Variants in AXL observed in about 807,000 individuals in gnomAD.
AXL encodes the protein AXL receptor tyrosine kinase.
In AXL, 52 loss-of-function variants were observed where a neutral mutation model predicts 104.5. That is an observed-to-expected ratio of 0.50 (90% CI 0.40 to 0.63). The LOEUF is 0.63. Ranked by LOEUF, AXL falls within the 20% of genes least tolerant of loss-of-function variation. AXL has a pLI of 0.00. For missense variants in AXL, 1,024 were observed against 1,188.5 expected (o/e 0.86, Z 2.04); for synonymous variants, 455 against 473.7 (o/e 0.96, Z 0.51).
At chr19:41,259,423 C>T in intron 19 of AXL, 130 bp from the exon 20 acceptor site, 1 of 752,310 alleles carries the variant, frequency 1.3e-6, no homozygotes, top group Non-Finnish European at 2.1e-6. Context: ...TGGCCTCAAA[C>T]TGCTGAGGCT....
chr19:41,253,632 G>A lies in AXL; in HGVS notation c.1960G>A (p.Ala654Thr), dbSNP rs767628105. 2 of 1,613,882 alleles carry A rather than the reference G, an allele frequency of 1.2e-6. No homozygotes were observed. The highest frequency in any genetic ancestry group is 3.3e-5 in the Admixed American group (2 of 59,984). Residue 654 changes from alanine to threonine, a missense_variant, in exon 17 of 20, where the codon GCA becomes ACA. By Grantham distance (58) the Ala-to-Thr change is moderately conservative. Around this residue, in one of 5 missense-constraint regions of AXL, gnomAD observed 523 missense variants for 636.0 expected, o/e 0.82. Coordinates refer to ENST00000301178, the MANE Select transcript of AXL (RefSeq NM_021913.5). ...LPTQMLVKFM[A>T]DIASGMEYLS... Reference sequence around the variant, plus strand: ...CACTCAGATGCTAGTGAAGTTCATGGCAGACATCGCCAGTGGCATGGAGTA... The same window carrying A: ...CACTCAGATGCTAGTGAAGTTCATGACAGACATCGCCAGTGGCATGGAGTA...
At chr19:41,224,407 G>A (rs2033843819) in intron 4 of AXL, among the ~76,000 whole-genome samples, 1 of 151,738 alleles carries the variant, frequency 6.6e-6, no homozygotes, top group African/African-American at 2.4e-5. Flanking sequence ...AGCTCCCGCT[G>A]TGTAACCCAG....
chr19:41,233,309 C>T (rs1392688081), intron 6 of AXL, among the ~76,000 whole-genome samples: 3 of 151,856 alleles, frequency 2.0e-5, no homozygotes, highest in African/African-American at 7.2e-5. Context: ...TGTTTAGAGT[C>T]AGTGCTTGAT....
At chr19:41,236,011 A>G (rs1016521557) in intron 6 of AXL, among the ~76,000 whole-genome samples, 1 of 151,420 alleles carries the variant, frequency 6.6e-6, no homozygotes, top group African/African-American at 2.4e-5. Flanking sequence ...AGCCTGGGCA[A>G]CATGGTGAAA....
Position 41,261,309 on chromosome 19 carries a change from C to G in AXL, c.*1405C>G, listed in dbSNP as rs973847100. 8 of 152,630 alleles carry G rather than the reference C, an allele frequency of 5.2e-5. No individual in the cohort carries two copies. The highest frequency in any genetic ancestry group is 1.7e-4 in the African/African-American group (7 of 41,448). The allele number at this position is 152,630 out of a possible 1,614,324, so 9.5% of individuals were successfully genotyped here. ...TTGTGACTAACTAGACACCAAAGTT[C>G]TAATAATTTCTAATGTTGGACACCT... On this transcript the variant is annotated 3_prime_UTR_variant, in exon 20 of 20. Coordinates refer to ENST00000301178, the MANE Select transcript of AXL (RefSeq NM_021913.5).
At position 41,256,482 on chromosome 19, in the gene AXL, G is replaced by A. The variant is rs567368175; in HGVS notation, c.2067G>A (p.Ala689=). The A allele has an allele frequency of 1.2e-5, 20 of 1,613,972 alleles. No individual in the cohort carries two copies. Among genetic ancestry groups the A allele is most frequent in the East Asian group, 4.5e-5 (2 of 44,862 alleles). ...MLNENMSVCV[A]DFGLSKKIYN... Reference sequence around the variant, plus strand: ...ATGAGAACATGTCCGTGTGTGTGGCGGACTTCGGGCTCTCCAAGAAGATCT... The same window carrying A: ...ATGAGAACATGTCCGTGTGTGTGGCAGACTTCGGGCTCTCCAAGAAGATCT... The change falls in exon 18 of 20, where the codon GCG becomes GCA. Residue 689 remains alanine, a synonymous_variant. Coordinates refer to ENST00000301178, the MANE Select transcript of AXL (RefSeq NM_021913.5).
At chr19:41,254,292 G>A (rs1321728916) in intron 17 of AXL, among the ~76,000 whole-genome samples, 1 of 148,640 alleles carries the variant, frequency 6.7e-6, no homozygotes, top group Admixed American at 6.8e-5. Context: ...CACGAGAATT[G>A]CTTGAACCCA....
intron 4 of AXL, among the ~76,000 whole-genome samples, chr19:41,224,610 C>T (rs541429954): frequency 6.6e-6 from 1 of 152,314 alleles, no homozygotes; most frequent in East Asian, 1.9e-4. Flanking sequence ...TCTTGAACTC[C>T]TGGCCTCAAG....
intron 12 of AXL, among the ~76,000 whole-genome samples, chr19:41,244,496 T>C (rs2034238827): frequency 6.6e-6 from 1 of 151,986 alleles, no homozygotes; most frequent in Non-Finnish European, 1.5e-5. Context: ...CTTTTTTTTT[T>C]TGAGACAGAG....
chr19:41,223,625 G>C (rs917265736), intron 4 of AXL, among the ~76,000 whole-genome samples: 6 of 152,186 alleles, frequency 3.9e-5, no homozygotes, highest in African/African-American at 1.4e-4. Flanking sequence ...AGGGTGGAGG[G>C]AGGAGCTCAC....
In AXL at chr19:41,237,945, C is replaced by T. The variant is rs767166443; in HGVS notation, c.785C>T (p.Ala262Val). The T allele has an allele frequency of 1.2e-6, 2 of 1,613,594 alleles. No individual in the cohort carries two copies. The highest frequency in any genetic ancestry group is 1.3e-5 in the African/African-American group (1 of 74,892). Residue 262 changes from alanine (A) to valine (V), a missense_variant and splice_region_variant, in exon 7 of 20, where the codon GCT becomes GTT. Ala to Val is a moderately conservative substitution (Grantham distance 64). Coordinates refer to ENST00000301178, the MANE Select transcript of AXL (RefSeq NM_021913.5). ...CCTCACACCCTTGCCTCTCCTCAGG[C>T]TGTGCTGTCAGACGATGGGATGGGC... ...IYPLTHCTLQ[A>V]VLSDDGMGIQ...
Position 41,220,785 on chromosome 19 carries a change from G to T in AXL, c.235G>T (p.Ala79Ser). ...WLRDGQILEL[A>S]DSTQTQVPLG... The stretch of plus-strand genomic sequence containing the variant: ...TCGGGATGGACAGATCCTGGAGCTC[G>T]CGGACAGCACCCAGACCCAGGTGCC... The change falls in exon 2 of 20, where the codon GCG (alanine) becomes TCG (serine). Residue 79 changes from alanine to serine, a missense_variant. Transcript: ENST00000301178. 6.2e-7 allele frequency: 1 copy of T among 1,614,150 alleles called. No homozygotes were observed. Among genetic ancestry groups the T allele is most frequent in the South Asian group, 1.1e-5 (1 of 91,090 alleles).
At chr19:41,223,811 G>A (rs1050422571) in intron 4 of AXL, among the ~76,000 whole-genome samples, 3 of 152,024 alleles carry the variant, frequency 2.0e-5, no homozygotes, top group Admixed American at 2.0e-4. Flanking sequence ...AGAAATGGGG[G>A]CTGCACAGGT....
intron 14 of AXL, among the ~76,000 whole-genome samples, chr19:41,250,399 T>C (rs1219519019): frequency 6.6e-6 from 1 of 152,168 alleles, no homozygotes; most frequent in African/African-American, 2.4e-5. Flanking sequence ...CATTCGTTCA[T>C]TATGGAGCAC....
At chr19:41,235,369 A>ATAGATAG (rs2034060211) in intron 6 of AXL, among the ~76,000 whole-genome samples, 9 of 80,672 alleles carry the variant, frequency 1.1e-4, no homozygotes, top group East Asian at 6.5e-4. Flanking sequence ...TAAATAAATA[A>ATAGATAG]ATAGATAGAT....
At chr19:41,256,641 C>A (rs751303930) in intron 18 of AXL, 30 bp downstream of exon 18, 5 of 1,607,146 alleles carry the variant, frequency 3.1e-6, no homozygotes, top group African/African-American at 1.3e-5. Flanking sequence ...GAGTGGGGAA[C>A]CATGGGAGGG....
At chr19:41,237,316 C>T (rs1161414412) in intron 6 of AXL, among the ~76,000 whole-genome samples, 4 of 152,174 alleles carry the variant, frequency 2.6e-5, no homozygotes, top group African/African-American at 9.7e-5. Flanking sequence ...GATCTTAGCT[C>T]ACTGTAACCT....
At chr19:41,258,085 C>T (rs181132661) in intron 19 of AXL, among the ~76,000 whole-genome samples, 18 of 152,354 alleles carry the variant, frequency 1.2e-4, no homozygotes, top group Admixed American at 2.6e-4. Context: ...GAGATATTTG[C>T]AGGATCCTTC....
chr19:41,230,147 GTCTGTT>G (rs2033951678), intron 4 of AXL, among the ~76,000 whole-genome samples: 1 of 119,598 alleles, frequency 8.4e-6, no homozygotes, highest in Non-Finnish European at 1.8e-5. Context: ...GTGTGGCTGT[GTCTGTT>G]TCTGTGTCTG....
Sources: gnomAD v4.1 joint callset for allele counts (sites outside exome capture counted in the v4.1 genomes callset) on GRCh38, gnomAD v4.1.1 for gene constraint, gnomAD v4.1.1 regional missense constraint, MANE v1.5 for transcripts, NCBI Gene and HGNC (gene_info 2026-07-23, HGNC 2026-07-21) for gene names.